The following INSC variants were observed in gnomAD, a reference collection of about 807,000 sequenced individuals.
INSC encodes the protein protein inscuteable homolog.
A neutral mutation model predicts 58.6 loss-of-function variants in INSC; 67 were observed. The observed-to-expected ratio is 1.14, with a 90% CI of 0.94 to 1.40. INSC has a LOEUF of 1.40. Among genes scored for constraint, INSC ranks in the 40% most tolerant of loss-of-function variants. INSC has a pLI of 0.00. For synonymous variants in INSC, 262 were observed against 276.1 expected (o/e 0.95, Z 0.51); for missense variants, 714 against 692.0 (o/e 1.03, Z -0.36).
At chr11:15,123,576 C>T (rs1490287284) in intron 1 of INSC, among the ~76,000 whole-genome samples, 10 of 152,142 alleles carry the variant, frequency 6.6e-5, no homozygotes, top group Non-Finnish European at 5.9e-5. Context: ...CCATGTCTGT[C>T]CCTCAGAGAC....
At chr11:15,248,714 T>A (rs1231950750), downstream of INSC, among the ~76,000 whole-genome samples, 1 of 152,232 alleles carries the variant, frequency 6.6e-6, no homozygotes, top group Non-Finnish European at 1.5e-5. Flanking sequence ...GCTCTTCAGA[T>A]AATATATAAT....
At chr11:15,131,245 G>A (rs951604404) in intron 1 of INSC, among the ~76,000 whole-genome samples, 1 of 151,380 alleles carries the variant, frequency 6.6e-6, no homozygotes, top group African/African-American at 2.4e-5. Flanking sequence ...CATCATTCAG[G>A]TTTATTTTCT....
intron 7 of INSC, among the ~76,000 whole-genome samples, chr11:15,203,008 G>C (rs146223249): frequency 2.3e-4 from 35 of 152,352 alleles, no homozygotes; most frequent in Non-Finnish European, 4.4e-4. Context: ...CAGGTGCTGA[G>C]ATAGTCCACT....
intron 5 of INSC, among the ~76,000 whole-genome samples, chr11:15,186,501 G>C (rs548052530): frequency 1.3e-5 from 2 of 152,216 alleles, no homozygotes; most frequent in South Asian, 2.1e-4. Flanking sequence ...TTCCCTGATT[G>C]AGAGAAACGA....
chr11:15,155,614 G>C (rs1824911930), intron 2 of INSC, among the ~76,000 whole-genome samples: 1 of 152,172 alleles, frequency 6.6e-6, no homozygotes. Flanking sequence ...GGGGTGCTTA[G>C]TACGTTTTGG....
chr11:15,200,189 A>ACACG (rs1554918997), intron 6 of INSC, among the ~76,000 whole-genome samples: 34 of 150,404 alleles, frequency 2.3e-4, no homozygotes, highest in African/African-American at 6.4e-4. Flanking sequence ...ACACACACAC[A>ACACG]CAAACAGGAG....
chr11:15,180,253 G>A (rs149147238), intron 5 of INSC, among the ~76,000 whole-genome samples: 1,523 of 151,846 alleles, frequency 0.01, 16 homozygotes, highest in South Asian at 0.024. Flanking sequence ...GTGAGACTCC[G>A]TCTCAAAAAA....
intron 10 of INSC, 89 bp downstream of exon 10, chr11:15,235,757 A>T: frequency 9.0e-7 from 1 of 1,108,576 alleles, no homozygotes; most frequent in Non-Finnish European, 1.4e-6. Context: ...CTGTGCAGGT[A>T]TGTAAATAGG....
chr11:15,113,879 C>A (rs1046798861), upstream of INSC, among the ~76,000 whole-genome samples: 2 of 152,090 alleles, frequency 1.3e-5, no homozygotes, highest in East Asian at 3.9e-4. Flanking sequence ...GGGACCTCGG[C>A]GTGGTCGTTT....
intron 5 of INSC, among the ~76,000 whole-genome samples, chr11:15,187,219 C>T (rs1850002487): frequency 6.6e-6 from 1 of 152,136 alleles, no homozygotes; most frequent in Admixed American, 6.6e-5. Flanking sequence ...AGCTTCAAGG[C>T]CTTTTATGAC....
the INSC span, among the ~76,000 whole-genome samples, chr11:15,268,175 T>C: frequency 1.3e-5 from 2 of 152,058 alleles, no homozygotes; most frequent in Non-Finnish European, 2.9e-5. Context: ...TGATGTCCAG[T>C]GTCTGAAAAC....
chr11:15,226,775 A>G (rs1345955528), intron 9 of INSC, among the ~76,000 whole-genome samples: 1 of 151,872 alleles, frequency 6.6e-6, no homozygotes, highest in Non-Finnish European at 1.5e-5. Flanking sequence ...TCCTTTTCTT[A>G]GAATTCATAC....
chr11:15,118,953 G>A (rs1847802206), intron 1 of INSC, among the ~76,000 whole-genome samples: 3 of 152,198 alleles, frequency 2.0e-5, no homozygotes. Flanking sequence ...TAAGGAAACA[G>A]AAACACAGCA....
intron 1 of INSC, among the ~76,000 whole-genome samples, chr11:15,136,235 T>C (rs1476106791): frequency 6.6e-6 from 1 of 152,180 alleles, no homozygotes; most frequent in Non-Finnish European, 1.5e-5. Flanking sequence ...CTAAAAACAA[T>C]GTACATATAT....
chr11:15,185,917 A>G (rs1275503691), intron 5 of INSC, among the ~76,000 whole-genome samples: 1 of 152,200 alleles, frequency 6.6e-6, no homozygotes, highest in African/African-American at 2.4e-5. Context: ...TATATTTTTC[A>G]AAATGTTTTT....
At chr11:15,228,406 C>T (rs777319630) in intron 9 of INSC, among the ~76,000 whole-genome samples, 9 of 152,266 alleles carry the variant, frequency 5.9e-5, no homozygotes, top group South Asian at 2.1e-4. Flanking sequence ...CACCTGGAGT[C>T]GGTACCTTTT....
chr11:15,211,068 G>T (rs1174871704), intron 7 of INSC, among the ~76,000 whole-genome samples: 3 of 151,980 alleles, frequency 2.0e-5, no homozygotes, highest in Non-Finnish European at 2.9e-5. Flanking sequence ...AAGGGGAAGA[G>T]ACTTACTGGA....
intron 1 of INSC, among the ~76,000 whole-genome samples, chr11:15,123,621 A>G (rs543649389): frequency 8.1e-4 from 124 of 152,184 alleles, no homozygotes; most frequent in African/African-American, 2.8e-3. Context: ...GATGTCACTA[A>G]GGAGCTTTTG....
chr11:15,195,060 C>A (rs79050516), intron 6 of INSC, among the ~76,000 whole-genome samples: 2,871 of 152,128 alleles, frequency 0.019, 100 homozygotes, highest in African/African-American at 0.067. Flanking sequence ...ATGTATTTAA[C>A]CTGAAGAGCT....
Sources: allele counts gnomAD v4.1 joint callset (sites outside exome capture counted in the v4.1 genomes callset), GRCh38; gene constraint gnomAD v4.1.1; transcripts MANE v1.5; gene names NCBI Gene and HGNC (gene_info 2026-07-23, HGNC 2026-07-21).